The following CD226 variants were observed in gnomAD, a reference collection of about 807,000 sequenced individuals.
The protein encoded by CD226 is CD226 molecule.
In CD226, 24 loss-of-function variants were observed where a neutral mutation model predicts 34.9. That is an observed-to-expected ratio of 0.69 (90% CI 0.50 to 0.97). CD226 has a LOEUF of 0.97. Among genes scored for constraint, CD226 ranks in the 50% least tolerant of loss-of-function variants. CD226 has a pLI of 0.00. For missense variants in CD226, 397 were observed against 412.7 expected (o/e 0.96, Z 0.33); for synonymous variants, 148 against 147.4 (o/e 1.00, Z -0.03).
intron 2 of CD226, among the ~76,000 whole-genome samples, chr18:69,921,202 C>A (rs963385750): frequency 4.6e-5 from 7 of 152,068 alleles, no homozygotes; most frequent in Non-Finnish European, 7.4e-5. Flanking sequence ...CTTCTCTCTG[C>A]CCTCACCTCT....
chr18:69,949,524 G>A (rs1709429966), upstream of CD226, among the ~76,000 whole-genome samples: 2 of 152,076 alleles, frequency 1.3e-5, no homozygotes, highest in Admixed American at 1.3e-4. Flanking sequence ...TGAGGACAGG[G>A]TCCCCCTAAG....
rs201424689 is a variant in CD226 at position 69,880,326 on chromosome 18, AAG to A, written c.728-7082_728-7081del. Among the ~76,000 whole-genome samples, 528 of 87,620 alleles carry A rather than the reference AAG, an allele frequency of 6.0e-3. 1 individual carries two copies. Among genetic ancestry groups the A allele is most frequent in the African/African-American group, 0.019 (483 of 25,870 alleles). The allele number at this position is 87,620 out of a possible 152,430, so 57.5% of individuals were successfully genotyped here. ...GAAGAGAAAGAAAGAAAGAAAAAGA[AAG>A]AGAGAAAGAAAGAAAGAAAGAAAGA... On this transcript the variant is annotated intron_variant, in intron 3 of 5. Coordinates refer to ENST00000582621, the MANE Select transcript of CD226 (RefSeq NM_001303618.2).
At chr18:69,883,484 G>A (rs563731858) in intron 3 of CD226, among the ~76,000 whole-genome samples, 4 of 152,250 alleles carry the variant, frequency 2.6e-5, no homozygotes, top group South Asian at 4.1e-4. Flanking sequence ...AGAGCAAAGC[G>A]CAAGACTTGG....
chr18:69,870,926 G>T (rs556852230), intron 4 of CD226, among the ~76,000 whole-genome samples: 1 of 152,166 alleles, frequency 6.6e-6, no homozygotes, highest in Non-Finnish European at 1.5e-5. Flanking sequence ...TACTAGTGAC[G>T]AGGCAGAAGG....
At chr18:69,957,825 C>CT (rs2055909361), upstream of CD226, among the ~76,000 whole-genome samples, 1 of 152,240 alleles carries the variant, frequency 6.6e-6, no homozygotes, top group Admixed American at 6.5e-5. Context: ...CTGCCTGACT[C>CT]TCGTCACTCC....
At chr18:69,930,867 T>C (rs920390673) in intron 2 of CD226, among the ~76,000 whole-genome samples, 4 of 152,194 alleles carry the variant, frequency 2.6e-5, no homozygotes, top group African/African-American at 7.2e-5. Context: ...GGTCCCTTCA[T>C]GTTAGACTTC....
chr18:69,921,615 G>A (rs1236658933), intron 2 of CD226, among the ~76,000 whole-genome samples: 1 of 152,182 alleles, frequency 6.6e-6, no homozygotes, highest in Non-Finnish European at 1.5e-5. Context: ...CACCTGCCCT[G>A]TGGGAAGACC....
intron 2 of CD226, among the ~76,000 whole-genome samples, chr18:69,939,663 C>T (rs969790005): frequency 6.6e-6 from 1 of 152,118 alleles, no homozygotes; most frequent in East Asian, 1.9e-4. Context: ...CTAGCTAATG[C>T]CATATCATTT....
chr18:69,862,688 T>A lies in CD226; in HGVS notation c.*1626A>T, dbSNP rs1982888205. ...TTCTGTAATTCACAAAACAAGTGCA[T>A]TATTTGGCATACATGGTGTTTAAGG... On this transcript the variant is annotated 3_prime_UTR_variant, in exon 6 of 6. Transcript: ENST00000582621. The A allele has an allele frequency of 6.6e-6, 1 of 151,846 alleles. No homozygotes were observed. Among genetic ancestry groups the A allele is most frequent in the Non-Finnish European group, 1.5e-5 (1 of 67,928 alleles). The allele number at this position is 151,846 out of a possible 1,614,324, so 9.4% of individuals were successfully genotyped here.
At position 69,867,264 on chromosome 18, in the gene CD226, G is replaced by A. The variant is rs1983203759; in HGVS notation, c.885+93C>T. 3.8e-6 allele frequency: 3 copies of A among 784,992 alleles called. No homozygotes were observed. In the Admixed American group the frequency reaches 5.9e-5, roughly 15 times the overall value. The allele number at this position is 784,992 out of a possible 1,614,324, so 48.6% of individuals were successfully genotyped here. On this transcript the variant is annotated intron_variant, in intron 5 of 5. Transcript: ENST00000582621. Reference sequence around the variant, plus strand: ...AACTGCATGGTCAGGTTACTGAAAGGACAATAAAATATAAGATTGCTAACT... The same window carrying A: ...AACTGCATGGTCAGGTTACTGAAAGAACAATAAAATATAAGATTGCTAACT...
chr18:69,947,370 C>T lies in CD226; in HGVS notation c.37G>A (p.Val13Ile). Residue 13 changes from valine (V) to isoleucine (I), a missense_variant, in exon 1 of 6, where the codon GTA becomes ATA. Coordinates refer to ENST00000582621, the MANE Select transcript of CD226 (RefSeq NM_001303618.2). ...TAAAGATCATCTTTACCTCTGTATACATGAAGAAGAGCCAAAAGTAAAGTA... is the reference window on the plus strand; with the variant it reads ...TAAAGATCATCTTTACCTCTGTATATATGAAGAAGAGCCAAAAGTAAAGTA... ...YPTLLLALLH[V>I]YRALCEEVLW... The T allele has an allele frequency of 6.3e-7, 1 of 1,581,402 alleles. No homozygotes were observed. Among genetic ancestry groups the T allele is most frequent in the Non-Finnish European group, 8.6e-7 (1 of 1,160,908 alleles).
upstream of CD226, among the ~76,000 whole-genome samples, chr18:69,952,291 G>A (rs1463836899): frequency 6.6e-6 from 1 of 152,176 alleles, no homozygotes; most frequent in Non-Finnish European, 1.5e-5. Flanking sequence ...AGAGTAGAAA[G>A]GGGTGAGGGA....
chr18:69,921,921 T>TA (rs1473945158), intron 2 of CD226, among the ~76,000 whole-genome samples: 1 of 152,186 alleles, frequency 6.6e-6, no homozygotes, highest in Non-Finnish European at 1.5e-5. Context: ...TGGTAGAAAT[T>TA]AAAAACAAGC....
At chr18:69,882,300 A>C (rs2145211509) in intron 3 of CD226, among the ~76,000 whole-genome samples, 1 of 152,322 alleles carries the variant, frequency 6.6e-6, no homozygotes, top group East Asian at 1.9e-4. Context: ...AAATAGTTTA[A>C]ACACTTTAAA....
upstream of CD226, among the ~76,000 whole-genome samples, chr18:69,950,101 TTC>T (rs1246842004): frequency 6.6e-6 from 1 of 150,994 alleles, no homozygotes; most frequent in Non-Finnish European, 1.5e-5. Flanking sequence ...CTTATACATG[TTC>T]TCACACATGC....
At chr18:69,880,173 A>AGGAAG (rs1228856269) in intron 3 of CD226, among the ~76,000 whole-genome samples, 1 of 149,812 alleles carries the variant, frequency 6.7e-6, no homozygotes, top group Non-Finnish European at 1.5e-5. Flanking sequence ...GAAAGAGGAA[A>AGGAAG]GGAATGGAAG....
chr18:69,889,163 A>G (rs752458158), intron 3 of CD226, among the ~76,000 whole-genome samples: 21 of 152,064 alleles, frequency 1.4e-4, no homozygotes, highest in Non-Finnish European at 1.5e-4. Context: ...TCATCTGGAT[A>G]CCCAGTTTCA....
intron 4 of CD226, among the ~76,000 whole-genome samples, chr18:69,868,431 T>C (rs1465469843): frequency 2.0e-5 from 3 of 152,218 alleles, no homozygotes; most frequent in Admixed American, 6.5e-5. Context: ...TTGACTCCAA[T>C]TGTCTCTTCT....
intron 2 of CD226, among the ~76,000 whole-genome samples, chr18:69,915,509 A>G (rs746439876): frequency 6.6e-6 from 1 of 152,234 alleles, no homozygotes; most frequent in Admixed American, 6.5e-5. Context: ...TAGGTCAGAA[A>G]GAACTTAGAT....
Sources: allele counts gnomAD v4.1 joint callset (sites outside exome capture counted in the v4.1 genomes callset), GRCh38; gene constraint gnomAD v4.1.1; transcripts MANE v1.5; gene names NCBI Gene and HGNC (gene_info 2026-07-23, HGNC 2026-07-21).